Variants in RBMS3 observed in about 807,000 individuals in gnomAD.
The protein encoded by RBMS3 is RNA binding motif single stranded interacting protein 3, also known as RNA-binding motif, single-stranded-interacting protein 3.
A neutral mutation model predicts 66.8 loss-of-function variants in RBMS3; 27 were observed. The ratio of observed to expected loss-of-function variants is 0.40; its 90% CI spans 0.30 to 0.56. RBMS3 has a LOEUF of 0.56. Among genes scored for constraint, RBMS3 ranks in the 20% least tolerant of loss-of-function variants. The probability of loss-of-function intolerance (pLI) is 0.40; values close to 1 mark genes in which losing one functional copy is unlikely to be tolerated. For missense variants in RBMS3, 513 were observed against 549.5 expected (o/e 0.93, Z 0.66); for synonymous variants, 188 against 183.0 (o/e 1.03, Z -0.22).
intron 3 of RBMS3, among the ~76,000 whole-genome samples, chr3:29,522,512 G>T (rs1482268683): frequency 6.6e-6 from 1 of 152,066 alleles, no homozygotes; most frequent in Admixed American, 6.6e-5. Flanking sequence ...GGTTTCGAGG[G>T]ATAGTGGAAG....
chr3:29,336,656 G>T (rs187939748), intron 1 of RBMS3, among the ~76,000 whole-genome samples: 1 of 152,152 alleles, frequency 6.6e-6, no homozygotes, highest in Admixed American at 6.6e-5. Flanking sequence ...ATACATATGT[G>T]AATATTCTTA....
intron 2 of RBMS3, among the ~76,000 whole-genome samples, chr3:29,436,842 G>A (rs548442224): frequency 7.9e-5 from 12 of 152,290 alleles, no homozygotes; most frequent in Non-Finnish European, 1.5e-4. Flanking sequence ...GATCTTTAGT[G>A]TTGTTGATCT....
chr3:29,629,058 A>G (rs2049179485), intron 4 of RBMS3, among the ~76,000 whole-genome samples: 1 of 152,128 alleles, frequency 6.6e-6, no homozygotes, highest in Non-Finnish European at 1.5e-5. Flanking sequence ...GCAGGCCATC[A>G]TGATGACATA....
rs1553677830 is a variant in RBMS3 at position 29,817,192 on chromosome 3, C to CTTTTTCTTTT, written c.638-51661_638-51660insCTTTTTTTTT. On this transcript the variant is annotated intron_variant, in intron 6 of 14. Coordinates refer to ENST00000383767, the MANE Select transcript of RBMS3 (RefSeq NM_001003793.3). ...GGGTTGCATTTCCAAATTTTCTTTT[C>CTTTTTCTTTT]TTTTTTTTTTTTTGAGGCAAAGTCT... Among the ~76,000 whole-genome samples, 488 of 127,196 alleles carry CTTTTTCTTTT rather than the reference C, an allele frequency of 3.8e-3. 20 individuals carry two copies. Among genetic ancestry groups the CTTTTTCTTTT allele is most frequent in the African/African-American group, 0.014 (453 of 31,662 alleles). 83.4% of individuals were successfully genotyped at this position (127,196 alleles called of 152,430 possible). A position where few individuals can be genotyped will look rare whatever the true frequency, so the allele number is the denominator to read the frequency against.
At chr3:29,628,085 A>C (rs138243230) in intron 4 of RBMS3, among the ~76,000 whole-genome samples, 68 of 152,292 alleles carry the variant, frequency 4.5e-4, no homozygotes, top group Non-Finnish European at 8.2e-4. Context: ...TCAGATATAA[A>C]ACAGAAACTG....
At chr3:30,001,968 G>A (rs143841021) in intron 14 of RBMS3, among the ~76,000 whole-genome samples, 3 of 151,984 alleles carry the variant, frequency 2.0e-5, no homozygotes, top group East Asian at 1.9e-4. Context: ...AGAGGAGATC[G>A]GCAGGAGTGA....
Position 30,004,782 on chromosome 3 carries a change from C to T in RBMS3, c.*920C>T, listed in dbSNP as rs1424565106. Reference sequence around the variant, plus strand: ...ATTTTTTTAATTTACAAAGCGTGATCGCTAGCAAAAGCATTAGTGCTTTTT... The same window carrying T: ...ATTTTTTTAATTTACAAAGCGTGATTGCTAGCAAAAGCATTAGTGCTTTTT... On this transcript the variant is annotated 3_prime_UTR_variant, in exon 15 of 15. Transcript: ENST00000383767. 1 of 151,772 alleles carries T rather than the reference C, an allele frequency of 6.6e-6. No homozygotes were observed. The highest frequency in any genetic ancestry group is 1.9e-4 in the East Asian group (1 of 5,174). The allele number at this position is 151,772 out of a possible 1,614,324, so 9.4% of individuals were successfully genotyped here.
At position 29,801,272 on chromosome 3, in the gene RBMS3, C is replaced by CT. The variant is rs200997680; in HGVS notation, c.637+38296dup. Among the ~76,000 whole-genome samples, 149 of 129,450 alleles carry CT rather than the reference C, an allele frequency of 1.2e-3. 1 individual carries two copies. Among genetic ancestry groups the CT allele is most frequent in the Middle Eastern group, 4.2e-3 (1 of 236 alleles). 84.9% of individuals were successfully genotyped at this position (129,450 alleles called of 152,430 possible). The stretch of plus-strand genomic sequence containing the variant: ...AACTTGAAGAATCATTGCTTTTTTT[C>CT]TTTTTTTTTTTTTGAGACAAAGTCT... On this transcript the variant is annotated intron_variant, in intron 6 of 14. Coordinates refer to ENST00000383767, the MANE Select transcript of RBMS3 (RefSeq NM_001003793.3).
intron 3 of RBMS3, among the ~76,000 whole-genome samples, chr3:29,577,575 A>C (rs1328723375): frequency 6.6e-6 from 1 of 152,200 alleles, no homozygotes; most frequent in South Asian, 2.1e-4. Flanking sequence ...GCTTGCCAGG[A>C]AACTTGGGTA....
At chr3:29,769,303 T>A (rs2056085888) in intron 6 of RBMS3, among the ~76,000 whole-genome samples, 1 of 151,840 alleles carries the variant, frequency 6.6e-6, no homozygotes, top group Non-Finnish European at 1.5e-5. Context: ...AGGGCAGCCA[T>A]AAAGCCAGTA....
chr3:29,443,113 G>A (rs2041687804), intron 2 of RBMS3, among the ~76,000 whole-genome samples: 1 of 152,052 alleles, frequency 6.6e-6, no homozygotes, highest in Admixed American at 6.6e-5. Context: ...TGTCCAAAGA[G>A]GGTTATTCTT....
rs1285387495 is a variant in RBMS3 at position 29,505,516 on chromosome 3, T to TG, written c.307+17017_307+17018insG. On this transcript the variant is annotated intron_variant, in intron 3 of 14. Coordinates refer to ENST00000383767, the MANE Select transcript of RBMS3 (RefSeq NM_001003793.3). ...GATGCCTTCAATTTTGTTTTTTTTT[T>TG]TTGTTGTTTGTTTGTTTGTTTTTAC... Among the ~76,000 whole-genome samples the TG allele has an allele frequency of 1.2e-3, 139 of 119,402 alleles. 3 individuals are homozygous for TG. The highest frequency in any genetic ancestry group is 2.8e-3 in the African/African-American group (86 of 30,270). 78.3% of individuals were successfully genotyped at this position (119,402 alleles called of 152,430 possible). A position where few individuals can be genotyped will look rare whatever the true frequency, so the allele number is the denominator to read the frequency against.
At chr3:29,327,716 G>C (rs1280560757) in intron 1 of RBMS3, among the ~76,000 whole-genome samples, 1 of 152,178 alleles carries the variant, frequency 6.6e-6, no homozygotes, top group Admixed American at 6.5e-5. Context: ...GTGGCACATA[G>C]AGTTGCAGTG....
intron 2 of RBMS3, among the ~76,000 whole-genome samples, chr3:29,458,723 A>G (rs996577420): frequency 4.6e-5 from 7 of 152,176 alleles, no homozygotes; most frequent in African/African-American, 1.7e-4. Context: ...AAAAAGACCT[A>G]TTATAAATCT....
chr3:29,721,803 G>T (rs746295871), intron 4 of RBMS3, among the ~76,000 whole-genome samples: 4 of 152,204 alleles, frequency 2.6e-5, no homozygotes, highest in Non-Finnish European at 5.9e-5. Context: ...TAATTAAAGA[G>T]AATTTATGTG....
chr3:29,469,888 A>G (rs1377696607), intron 2 of RBMS3, among the ~76,000 whole-genome samples: 1 of 149,312 alleles, frequency 6.7e-6, no homozygotes, highest in Non-Finnish European at 1.5e-5. Context: ...CATCTTTTAT[A>G]TATTTATAAA....
At chr3:29,326,609 CA>C (rs146370141) in intron 1 of RBMS3, among the ~76,000 whole-genome samples, 6,044 of 152,234 alleles carry the variant, frequency 0.04, 150 homozygotes, top group South Asian at 0.069. Context: ...GAGTGATTGG[CA>C]GCACAGATGA....
chr3:29,725,966 A>G (rs1036655495), intron 4 of RBMS3, among the ~76,000 whole-genome samples: 4 of 152,168 alleles, frequency 2.6e-5, no homozygotes, highest in Non-Finnish European at 5.9e-5. Flanking sequence ...TCAATAAAAT[A>G]CTTGCAAACC....
intron 6 of RBMS3, among the ~76,000 whole-genome samples, chr3:29,825,677 C>T (rs562330530): frequency 1.3e-5 from 2 of 152,224 alleles, no homozygotes; most frequent in South Asian, 2.1e-4. Flanking sequence ...GTCAATTAAA[C>T]CTCTTTCCTT....
Sources: gnomAD v4.1 joint callset for allele counts (sites outside exome capture counted in the v4.1 genomes callset) on GRCh38, gnomAD v4.1.1 for gene constraint, MANE v1.5 for transcripts, NCBI Gene and HGNC (gene_info 2026-07-23, HGNC 2026-07-21) for gene names.